TBX22: variants seen among roughly 807,000 people sequenced by gnomAD.
TBX22 encodes the protein T-box transcription factor TBX22.
Under a neutral mutation model 30.1 loss-of-function variants are expected in TBX22, and 8 were observed. That is an observed-to-expected ratio of 0.27 (90% CI 0.16 to 0.48). The LOEUF is 0.48. TBX22 is among the 20% of genes least tolerant of loss of function. The pLI, the probability that TBX22 is intolerant of heterozygous loss-of-function variation, is 0.99. For missense variants in TBX22, 463 were observed against 400.5 expected (o/e 1.16, Z -1.33); for synonymous variants, 173 against 149.1 (o/e 1.16, Z -1.17).
rs150811689 is a variant in TBX22, at chrX:80,027,261, G to T, written c.804G>T (p.Thr268=). ...TCTCTCTATTGAATCCATAGATTAC[G>T]AAACTAAAAATAGAAAGAAATCCTT... ...TVTAYQNQQI[T]KLKIERNPFA... Residue 268 remains threonine (T), a synonymous_variant, in exon 7 of 9, where the codon ACG becomes ACT. Coordinates refer to ENST00000373296, the MANE Select transcript of TBX22 (RefSeq NM_001109878.2). 1.9e-6 allele frequency: 2 copies of T among 1,051,935 alleles called. No homozygotes were observed. Among genetic ancestry groups the T allele is most frequent in the Non-Finnish European group, 2.7e-6 (2 of 751,661 alleles). 86.7% of individuals were successfully genotyped at this position (1,051,935 alleles called of 1,213,427 possible). A position where few individuals can be genotyped will look rare whatever the true frequency, so the allele number is the denominator to read the frequency against.
chrX:80,030,549 C>A lies in TBX22; in HGVS notation c.1001C>A (p.Pro334His). ...PVTSSGGAPS[P>H]LNSLLSPLCF... is the part of the protein sequence containing the mutation. Reference sequence around the variant, plus strand: ...ACCTCTAGTGGAGGGGCCCCCTCTCCTTTGAACTCCTTACTTTCTCCACTT... The same window carrying A: ...ACCTCTAGTGGAGGGGCCCCCTCTCATTTGAACTCCTTACTTTCTCCACTT... The change falls in exon 9 of 9, where the codon CCT (proline) becomes CAT (histidine). Residue 334 changes from proline to histidine, a missense_variant. Transcript: ENST00000373296. 8.3e-7 allele frequency: 1 copy of A among 1,211,275 alleles called. No homozygotes were observed. The highest frequency in any genetic ancestry group is 1.1e-6 in the Non-Finnish European group (1 of 895,149).
Position 80,031,180 on chromosome X carries a change from T to G in TBX22, c.*69T>G. The G allele has an allele frequency of 1.9e-6, 2 of 1,051,383 alleles. No individual in the cohort carries two copies. The highest frequency in any genetic ancestry group is 2.0e-5 in the South Asian group (1 of 49,774). The allele number at this position is 1,051,383 out of a possible 1,213,427, so 86.6% of individuals were successfully genotyped here. Reference sequence around the variant, plus strand: ...TTTCTTTATTTGTAGCCAAAGAAATTTCAACAGTTATTGGGCTTAAAAAGC... The same window carrying G: ...TTTCTTTATTTGTAGCCAAAGAAATGTCAACAGTTATTGGGCTTAAAAAGC... On this transcript the variant is annotated 3_prime_UTR_variant, in exon 9 of 9. Coordinates refer to ENST00000373296, the MANE Select transcript of TBX22 (RefSeq NM_001109878.2).
Position 80,030,289 on chromosome X carries a change from CA to C in TBX22, c.950-208del, listed in dbSNP as rs996955839. On this transcript the variant is annotated intron_variant, in intron 8 of 8. Coordinates refer to ENST00000373296, the MANE Select transcript of TBX22 (RefSeq NM_001109878.2). ...TACAGACCTGTACCAGTGGGTAACC[CA>C]GGCATTAGCGATACCTAGTATAGAT... 2.7e-5 allele frequency among the ~76,000 whole-genome samples: 3 copies of C among 111,912 alleles called. No homozygotes were observed. The Admixed American group carries it at 2.9e-4, about 11-fold the overall frequency.
At chrX:80,030,163 A>C (rs761702779) in intron 8 of TBX22, among the ~76,000 whole-genome samples, 1 of 111,893 alleles carries the variant, frequency 8.9e-6, no homozygotes, top group East Asian at 2.8e-4. Context: ...GTGAGAATCT[A>C]ATGCTGCCGC....
At position 80,031,126 on chromosome X, in the gene TBX22, T is replaced by G. The variant is rs1396358647; in HGVS notation, c.*15T>G. ...ATTACCTTTAGTAAGACAATAGCAT[T>G]TCTAGAACAATTACATGTAAACAAA... On this transcript the variant is annotated 3_prime_UTR_variant, in exon 9 of 9. Transcript: ENST00000373296. The G allele has an allele frequency of 8.4e-7, 1 of 1,195,756 alleles. No individual in the cohort carries two copies. The highest frequency in any genetic ancestry group is 1.8e-5 in the South Asian group (1 of 56,232).
At position 80,030,595 on chromosome X, in the gene TBX22, T is replaced by C. The variant is rs754725306; in HGVS notation, c.1047T>C (p.His349=). The C allele has an allele frequency of 2.5e-6, 3 of 1,209,964 alleles. No homozygotes were observed. In the African/African-American group the frequency reaches 5.2e-5, roughly 21 times the overall value. Residue 349 remains histidine (H), a synonymous_variant, in exon 9 of 9, where the codon CAT becomes CAC. Coordinates refer to ENST00000373296, the MANE Select transcript of TBX22 (RefSeq NM_001109878.2). ...CACTTTGCTTTTCACCTATGTTTCA[T>C]TTACCTACAAGCTCCCTTGGAATGC... ...LSPLCFSPMF[H]LPTSSLGMPC... is the part of the protein sequence containing the mutation.
intron 1 of TBX22, among the ~76,000 whole-genome samples, chrX:80,017,597 A>G (rs1260130762): frequency 9.0e-6 from 1 of 111,449 alleles, no homozygotes; most frequent in Non-Finnish European, 1.9e-5. Context: ...TCTTCTGGCA[A>G]TTACTAGAAT....
rs1057515991 is a variant in TBX22 at position 80,031,168 on chromosome X, A to T, written c.*57A>T. 12 of 1,103,286 alleles carry T rather than the reference A, an allele frequency of 1.1e-5. No individual in the cohort carries two copies. Among genetic ancestry groups the T allele is most frequent in the Non-Finnish European group, 1.5e-5 (12 of 812,671 alleles). The allele number at this position is 1,103,286 out of a possible 1,213,427, so 90.9% of individuals were successfully genotyped here. A position where few individuals can be genotyped will look rare whatever the true frequency, so the allele number is the denominator to read the frequency against. On this transcript the variant is annotated 3_prime_UTR_variant, in exon 9 of 9. Transcript: ENST00000373296. Reference sequence around the variant, plus strand: ...GTAAACAAATATTTTCTTTATTTGTAGCCAAAGAAATTTCAACAGTTATTG... The same window carrying T: ...GTAAACAAATATTTTCTTTATTTGTTGCCAAAGAAATTTCAACAGTTATTG...
At chrX:80,027,837 A>C (rs1304217592) in intron 7 of TBX22, among the ~76,000 whole-genome samples, 154 bp from the exon 8 acceptor site, 3 of 112,530 alleles carry the variant, frequency 2.7e-5, no homozygotes, top group African/African-American at 9.7e-5. Flanking sequence ...TTATTTTAGA[A>C]TTCTAGGTTT....
chrX:80,028,982 G>T (rs911691550), intron 8 of TBX22, among the ~76,000 whole-genome samples: 3 of 110,169 alleles, frequency 2.7e-5, no homozygotes, highest in African/African-American at 9.9e-5. Flanking sequence ...TTATTTTACA[G>T]TGTCGATTTA....
At chrX:80,023,012 G>T in intron 2 of TBX22, 48 bp from the exon 3 acceptor site, 1 of 1,175,591 alleles carries the variant, frequency 8.5e-7, no homozygotes, top group South Asian at 1.8e-5. Context: ...GTGGGCATGT[G>T]AACTGTGACG....
At chrX:80,028,198 T>C in intron 8 of TBX22, 122 bp downstream of exon 8, 2 of 576,235 alleles carry the variant, frequency 3.5e-6, no homozygotes, top group Non-Finnish European at 5.7e-6. Flanking sequence ...TACTTATGGG[T>C]AACTGCGTGT....
At chrX:80,018,672 G>C (rs1246427492) in intron 1 of TBX22, among the ~76,000 whole-genome samples, 3 of 111,963 alleles carry the variant, frequency 2.7e-5, no homozygotes, top group Non-Finnish European at 5.6e-5. Flanking sequence ...CTATGTTCCA[G>C]GCTTTGTCCT....
intron 1 of TBX22, among the ~76,000 whole-genome samples, chrX:80,020,468 AC>A (rs1183616982): frequency 8.9e-6 from 1 of 112,068 alleles, no homozygotes; most frequent in Non-Finnish European, 1.9e-5. Flanking sequence ...CAAGTTCCTT[AC>A]ACGAAATTGG....
intron 2 of TBX22, 189 bp downstream of exon 2, chrX:80,022,633 G>C: frequency 2.1e-6 from 1 of 482,507 alleles, no homozygotes; most frequent in South Asian, 3.0e-5. Context: ...TGCGGTAAAG[G>C]GGAGGGTCCC....
chrX:80,024,609 A>G (rs1923883763), intron 4 of TBX22, among the ~76,000 whole-genome samples: 1 of 111,627 alleles, frequency 9.0e-6, no homozygotes. Flanking sequence ...TGGCAGCAGG[A>G]GGCCAGAAGG....
Position 80,022,470 on chromosome X carries a change from C to T in TBX22, c.175+26C>T, listed in dbSNP as rs778255323. 5 of 1,160,610 alleles carry T rather than the reference C, an allele frequency of 4.3e-6. 1 individual carries two copies. Among genetic ancestry groups the T allele is most frequent in the Non-Finnish European group, 5.8e-6 (5 of 868,699 alleles). On this transcript the variant is annotated intron_variant, in intron 2 of 8. Coordinates refer to ENST00000373296, the MANE Select transcript of TBX22 (RefSeq NM_001109878.2). The stretch of plus-strand genomic sequence containing the variant: ...GTAAGTACTGCCATTGCCCTGAGCC[C>T]GTTGCCTGAGCTTACTGGTTCCGCA...
chrX:80,016,425 C>T (rs1160092906), intron 1 of TBX22, among the ~76,000 whole-genome samples: 1 of 111,188 alleles, frequency 9.0e-6, no homozygotes, highest in South Asian at 3.8e-4. Context: ...GGTGAGAAAG[C>T]GTGTGTAGGG....
Position 80,025,123 on chromosome X carries a change from T to C in TBX22, c.459-480T>C, listed in dbSNP as rs762745341. On this transcript the variant is annotated intron_variant, in intron 4 of 8. Coordinates refer to ENST00000373296, the MANE Select transcript of TBX22 (RefSeq NM_001109878.2). Reference sequence around the variant, plus strand: ...AAAACTGGGAAGTTGAGATTGGAAATAGTGTGAAAATCGGCCAGAGGCTGC... The same window carrying C: ...AAAACTGGGAAGTTGAGATTGGAAACAGTGTGAAAATCGGCCAGAGGCTGC... Among the ~76,000 whole-genome samples the C allele has an allele frequency of 6.3e-5, 7 of 111,947 alleles. No homozygotes were observed. In the South Asian group the frequency reaches 2.3e-3, roughly 36 times the overall value.
Sources: allele counts gnomAD v4.1 joint callset (sites outside exome capture counted in the v4.1 genomes callset), GRCh38; gene constraint gnomAD v4.1.1; transcripts MANE v1.5; gene names NCBI Gene and HGNC (gene_info 2026-07-23, HGNC 2026-07-21).